Variants in RABL2A observed in about 807,000 individuals in gnomAD.
The protein encoded by RABL2A is RAB, member of RAS oncogene family like 2A.
RABL2A carries 17 observed loss-of-function variants against 30.7 expected under a neutral mutation model. That is an observed-to-expected ratio of 0.55 (90% CI 0.38 to 0.83). The LOEUF (loss-of-function observed/expected upper bound fraction) is 0.83. Ranked by LOEUF, RABL2A falls within the 40% of genes least tolerant of loss-of-function variation. The probability of loss-of-function intolerance (pLI) is 0.00; values close to 1 mark genes in which losing one functional copy is unlikely to be tolerated. For missense variants in RABL2A, 155 were observed against 272.6 expected, an observed-to-expected ratio of 0.57 and a Z score of 3.04; for synonymous variants, 64 against 101.8, an observed-to-expected ratio of 0.63 and a Z score of 2.24.
In RABL2A at chr2:113,641,423, G is replaced by A. The variant is rs142860001; in HGVS notation, c.480G>A (p.Ser160=). Reference sequence around the variant, plus strand: ...TCTCCCTGCCCCTGTATTTCGTCTCGGCTGCTGATGGTACCAATGTTGTGA... The same window carrying A: ...TCTCCCTGCCCCTGTATTTCGTCTCAGCTGCTGATGGTACCAATGTTGTGA... The part of the protein sequence containing the change: ...KKFSLPLYFV[S]AADGTNVVKL... Residue 160 remains serine (S), a synonymous_variant, in exon 7 of 9, where the codon TCG becomes TCA. Coordinates refer to ENST00000683472, the MANE Select transcript of RABL2A (RefSeq NM_001306158.2). The A allele has an allele frequency of 2.9e-5, 46 of 1,611,428 alleles. No individual in the cohort carries two copies. Among genetic ancestry groups the A allele is most frequent in the Middle Eastern group, 1.6e-4 (1 of 6,082 alleles).
At chr2:113,641,297 C>T in intron 6 of RABL2A, 56 bp from the exon 7 acceptor site, 5 of 1,611,844 alleles carry the variant, frequency 3.1e-6, no homozygotes, top group Non-Finnish European at 4.2e-6. Context: ...AGTGGCCCCC[C>T]CTCCAAACCT....
rs1373684424 is a variant in RABL2A, at chr2:113,635,072, A to G, written c.239A>G (p.Gln80Arg). 3 of 1,614,126 alleles carry G rather than the reference A, an allele frequency of 1.9e-6. No individual in the cohort carries two copies. Among genetic ancestry groups the G allele is most frequent in the Middle Eastern group, 1.6e-4 (1 of 6,084 alleles). Reference protein sequence around the residue: ...ILVDFWDTAGQERFQSMHASY... With the variant: ...ILVDFWDTAGRERFQSMHASY... ...GCAGACTTTTGGGACACGGCAGGCC[A>G]GGAGCGGTTCCAGAGCATGCATGCC... The change falls in exon 5 of 9, where the codon CAG becomes CGG. Residue 80 changes from glutamine to arginine, a missense_variant. Around this residue, in one of 5 missense-constraint regions of RABL2A, gnomAD observed 82 missense variants for 103.2 expected, o/e 0.79. Coordinates refer to ENST00000683472, the MANE Select transcript of RABL2A (RefSeq NM_001306158.2).
At chr2:113,630,708 C>T (rs1573955194) in intron 2 of RABL2A, among the ~76,000 whole-genome samples, 1 of 151,542 alleles carries the variant, frequency 6.6e-6, no homozygotes, top group Non-Finnish European at 1.5e-5. Flanking sequence ...GCTCTGATGA[C>T]AGCTCCCCTA....
chr2:113,638,770 G>A (rs1384161572), intron 5 of RABL2A: 1 of 182,520 alleles, frequency 5.5e-6, no homozygotes, highest in Non-Finnish European at 1.0e-5. Flanking sequence ...AGGAGGCTGA[G>A]ACAGGAGAAT....
intron 8 of RABL2A, 59 bp downstream of exon 8, chr2:113,641,923 G>A: frequency 6.8e-7 from 1 of 1,475,884 alleles, no homozygotes; most frequent in Non-Finnish European, 9.1e-7. Context: ...CAGGGATAGG[G>A]ACTACAACCC....
At chr2:113,641,299 T>A (rs1250329147) in intron 6 of RABL2A, 54 bp from the exon 7 acceptor site, 1 of 1,612,670 alleles carries the variant, frequency 6.2e-7, no homozygotes, top group East Asian at 2.2e-5. Flanking sequence ...TGGCCCCCCC[T>A]CCAAACCTTC....
At chr2:113,630,038 C>T (rs796352709) in intron 2 of RABL2A, among the ~76,000 whole-genome samples, 4 of 152,252 alleles carry the variant, frequency 2.6e-5, no homozygotes, top group South Asian at 2.1e-4. Flanking sequence ...ACAGAGCTTT[C>T]GGAGAATGTA....
chr2:113,637,009 A>AAAT (rs1559181973), intron 5 of RABL2A, among the ~76,000 whole-genome samples: 1 of 149,986 alleles, frequency 6.7e-6, no homozygotes, highest in African/African-American at 2.5e-5. Flanking sequence ...AAAAAATAAA[A>AAAT]AAATAAAGTC....
intron 2 of RABL2A, among the ~76,000 whole-genome samples, chr2:113,629,481 C>G (rs1679421465): frequency 1.3e-5 from 2 of 151,176 alleles, no homozygotes; most frequent in African/African-American, 4.9e-5. Flanking sequence ...TTCTCTGTCT[C>G]TCTCTCTCTC....
In RABL2A at chr2:113,641,347, C is replaced by A; in HGVS notation, c.410-6C>A. 1.2e-6 allele frequency: 2 copies of A among 1,613,862 alleles called. No homozygotes were observed. The highest frequency in any genetic ancestry group is 1.7e-6 in the Non-Finnish European group (2 of 1,180,014). ...GACAGACCAATGTCCTACCTTCTCT[C>A]TACAGCAGACATAAACGTGACCCAA... is the stretch of plus-strand genomic sequence containing the variant. On this transcript the variant is annotated splice_polypyrimidine_tract_variant and splice_region_variant and intron_variant, in intron 6 of 8. Transcript: ENST00000683472.
At chr2:113,635,194 T>G (rs1682093459) in intron 5 of RABL2A, 64 bp downstream of exon 5, 1 of 1,521,350 alleles carries the variant, frequency 6.6e-7, no homozygotes, top group African/African-American at 1.4e-5. Flanking sequence ...GTGAGGGGCC[T>G]AGCAGCCCTG....
rs1158312498 is a variant in RABL2A, at chr2:113,634,200, C to G, written c.185C>G (p.Thr62Arg). ...STYALTLYKH[T>R]ATVDGKTILV... ...TACGCCCTGACCCTGTACAAGCACA[C>G]AGCCACGGTAGATGGCAAGACCATC... Residue 62 changes from threonine (T) to arginine (R), a missense_variant, in exon 4 of 9, where the codon ACA (threonine) becomes AGA (arginine). By Grantham distance (71) the Thr-to-Arg change is moderately conservative. Coordinates refer to ENST00000683472, the MANE Select transcript of RABL2A (RefSeq NM_001306158.2). 1.9e-6 allele frequency: 3 copies of G among 1,613,016 alleles called. No homozygotes were observed. Among genetic ancestry groups the G allele is most frequent in the Admixed American group, 1.7e-5 (1 of 59,946 alleles).
chr2:113,634,509 CAG>C (rs1681709463), intron 4 of RABL2A: 4 of 523,968 alleles, frequency 7.6e-6, no homozygotes, highest in African/African-American at 3.8e-5. Flanking sequence ...GTACCCACCT[CAG>C]GGAAGAAGAA....
At chr2:113,633,420 C>T in intron 3 of RABL2A, 2 of 225,960 alleles carry the variant, frequency 8.9e-6, no homozygotes, top group Non-Finnish European at 1.7e-5. Context: ...TGAGTTCCTC[C>T]CCGCAACTGG....
In RABL2A at chr2:113,642,189, C is replaced by A; in HGVS notation, c.*60C>A. ...AAATACCCTTCCCTTCAACAACTCTCCAGCTCTGAATGGAGAAACTCTCTA... is the reference window on the plus strand; with the variant it reads ...AAATACCCTTCCCTTCAACAACTCTACAGCTCTGAATGGAGAAACTCTCTA... On this transcript the variant is annotated 3_prime_UTR_variant, in exon 9 of 9. Transcript: ENST00000683472. The A allele has an allele frequency of 1.3e-6, 2 of 1,509,184 alleles. No individual in the cohort carries two copies. Among genetic ancestry groups the A allele is most frequent in the Non-Finnish European group, 1.8e-6 (2 of 1,133,032 alleles). The allele number at this position is 1,509,184 out of a possible 1,614,324, so 93.5% of individuals were successfully genotyped here. A position where few individuals can be genotyped will look rare whatever the true frequency, so the allele number is the denominator to read the frequency against.
chr2:113,642,329 T>TC lies in RABL2A; in HGVS notation c.*204dup, dbSNP rs1473371423. ...GCAAACTCTGGACTGGTGGAAGAAT[T>TC]CCCCACCAGATCTCCTTGAAGCAGA... On this transcript the variant is annotated 3_prime_UTR_variant, in exon 9 of 9. Transcript: ENST00000683472. 1 of 1,228,784 alleles carries TC rather than the reference T, an allele frequency of 8.1e-7. No individual in the cohort carries two copies. Among genetic ancestry groups the TC allele is most frequent in the Non-Finnish European group, 1.1e-6 (1 of 901,372 alleles). The allele number at this position is 1,228,784 out of a possible 1,614,324, so 76.1% of individuals were successfully genotyped here. A position where few individuals can be genotyped will look rare whatever the true frequency, so the allele number is the denominator to read the frequency against.
Position 113,642,433 on chromosome 2 carries a change from A to G in RABL2A, c.*304A>G, listed in dbSNP as rs1465043847. On this transcript the variant is annotated 3_prime_UTR_variant, in exon 9 of 9. Transcript: ENST00000683472. Reference sequence around the variant, plus strand: ...GTGAAGAGAATCAGAAAACATGATTATGTGTCACTTTAATACAGGAAATTT... The same window carrying G: ...GTGAAGAGAATCAGAAAACATGATTGTGTGTCACTTTAATACAGGAAATTT... The G allele has an allele frequency of 1.5e-5, 7 of 469,388 alleles. No homozygotes were observed. The highest frequency in any genetic ancestry group is 1.2e-4 in the African/African-American group (6 of 49,716). 29.1% of individuals were successfully genotyped at this position (469,388 alleles called of 1,614,324 possible). A position where few individuals can be genotyped will look rare whatever the true frequency, so the allele number is the denominator to read the frequency against.
Position 113,640,570 on chromosome 2 carries a change from T to C in RABL2A, c.298-324T>C, listed in dbSNP as rs185962707. 3.2e-3 allele frequency: 1,031 copies of C among 325,804 alleles called. 9 individuals are homozygous for C. Among genetic ancestry groups the C allele is most frequent in the African/African-American group, 0.019 (882 of 46,522 alleles). The allele number at this position is 325,804 out of a possible 1,614,324, so 20.2% of individuals were successfully genotyped here. A position where few individuals can be genotyped will look rare whatever the true frequency, so the allele number is the denominator to read the frequency against. Reference sequence around the variant, plus strand: ...TTTTGCATTTTTAGTAGAGACGGAATTTCACCATGTTGGCCAGGCTGGTCT... The same window carrying C: ...TTTTGCATTTTTAGTAGAGACGGAACTTCACCATGTTGGCCAGGCTGGTCT... On this transcript the variant is annotated intron_variant, in intron 5 of 8. Transcript: ENST00000683472.
intron 5 of RABL2A, chr2:113,637,581 C>G: frequency 1.7e-6 from 2 of 1,209,616 alleles, no homozygotes; most frequent in Non-Finnish European, 2.1e-6. Flanking sequence ...TCACCTAATT[C>G]CCCCGACTGC....
Sources: gnomAD v4.1 joint callset for allele counts (sites outside exome capture counted in the v4.1 genomes callset) on GRCh38, gnomAD v4.1.1 for gene constraint, gnomAD v4.1.1 regional missense constraint, MANE v1.5 for transcripts, NCBI Gene and HGNC (gene_info 2026-07-23, HGNC 2026-07-21) for gene names.